The following FAM184A variants were observed in gnomAD, a reference collection of about 807,000 sequenced individuals.
The protein encoded by FAM184A is family with sequence similarity 184 member A, also known as protein FAM184A.
FAM184A carries 99 observed loss-of-function variants against 143.8 expected under a neutral mutation model. The ratio of observed to expected loss-of-function variants is 0.69; its 90% CI spans 0.58 to 0.81. FAM184A has a LOEUF of 0.81. FAM184A is among the 40% of genes least tolerant of loss of function. The probability of loss-of-function intolerance (pLI) is 0.00; values close to 1 mark genes in which losing one functional copy is unlikely to be tolerated. For synonymous variants in FAM184A, 427 were observed against 446.4 expected (o/e 0.96, Z 0.55); for missense variants, 1,217 against 1,310.5 (o/e 0.93, Z 1.10).
At chr6:119,101,219 A>C (rs1398553946) in intron 1 of FAM184A, among the ~76,000 whole-genome samples, 1 of 151,610 alleles carries the variant, frequency 6.6e-6, no homozygotes, top group Non-Finnish European at 1.5e-5. Flanking sequence ...GGCATGCACC[A>C]CCACGCCTGG....
intron 1 of FAM184A, among the ~76,000 whole-genome samples, chr6:119,063,004 T>C (rs1787315524): frequency 6.6e-6 from 1 of 152,220 alleles, no homozygotes; most frequent in African/African-American, 2.4e-5. Context: ...TTGTTAATTT[T>C]CTAAAAGACA....
intron 14 of FAM184A, among the ~76,000 whole-genome samples, chr6:118,970,008 A>ATATATATATATATATATATATATATATAT: frequency 5.2e-5 from 1 of 19,050 alleles, no homozygotes; most frequent in Non-Finnish European, 1.1e-4. Context: ...ATATATATAT[A>ATATATATATATATATATATATATATATAT]TTTTTTTTTT....
intron 1 of FAM184A, among the ~76,000 whole-genome samples, chr6:119,110,108 G>A (rs988125164): frequency 2.0e-5 from 3 of 152,130 alleles, no homozygotes; most frequent in Admixed American, 6.5e-5. Flanking sequence ...AACAGGAAGT[G>A]AGAAGTCCTG....
At chr6:119,010,525 GTGTC>G (rs1406783385) in intron 6 of FAM184A, among the ~76,000 whole-genome samples, 2 of 151,884 alleles carry the variant, frequency 1.3e-5, no homozygotes, top group Admixed American at 1.3e-4. Flanking sequence ...GATAATCTGG[GTGTC>G]TGTATTTTTC....
chr6:119,135,980 CAGAA>C (rs1294697946), intron 1 of FAM184A, among the ~76,000 whole-genome samples: 1 of 150,682 alleles, frequency 6.6e-6, no homozygotes, highest in African/African-American at 2.4e-5. Flanking sequence ...AAAAAAAAAG[CAGAA>C]AGAATATTTC....
At chr6:119,041,260 A>C (rs1268644691) in intron 1 of FAM184A, among the ~76,000 whole-genome samples, 3 of 152,164 alleles carry the variant, frequency 2.0e-5, no homozygotes, top group African/African-American at 7.2e-5. Context: ...GGTGGTCCCA[A>C]GCTAAAATTA....
rs1005108604 is a variant in FAM184A at position 119,011,238 on chromosome 6, T to C, written c.1653+71A>G. 15 of 1,347,416 alleles carry C rather than the reference T, an allele frequency of 1.1e-5. No homozygotes were observed. In the African/African-American group the frequency reaches 1.9e-4, roughly 17 times the overall value. The allele number at this position is 1,347,416 out of a possible 1,614,324, so 83.5% of individuals were successfully genotyped here. On this transcript the variant is annotated intron_variant, in intron 6 of 17. Coordinates refer to ENST00000338891, the MANE Select transcript of FAM184A (RefSeq NM_024581.6). ...ACCTTTACTGAGACTTACCTACCTA[T>C]ACAATGTCACCAGAATAAGTTATTA...
At chr6:119,037,787 T>C (rs947730237) in intron 1 of FAM184A, among the ~76,000 whole-genome samples, 1 of 152,156 alleles carries the variant, frequency 6.6e-6, no homozygotes, top group African/African-American at 2.4e-5. Flanking sequence ...AATTTTACTT[T>C]AGAAAATCAA....
intron 1 of FAM184A, among the ~76,000 whole-genome samples, chr6:119,135,995 C>T (rs554794958): frequency 1.3e-4 from 19 of 151,436 alleles, no homozygotes; most frequent in African/African-American, 4.3e-4. Flanking sequence ...AGAATATTTC[C>T]AGGCCGGGCG....
intron 9 of FAM184A, among the ~76,000 whole-genome samples, chr6:118,994,687 AAATAAAT>A (rs536847875): frequency 0.31 from 43,020 of 137,640 alleles, 7,858 homozygotes; most frequent in East Asian, 0.65. Flanking sequence ...CTCCATCTCT[AAATAAAT>A]AAATAAATAA....
rs749501684 is a variant in FAM184A, at chr6:119,016,773, T to C, written c.1504A>G (p.Ile502Val). The change falls in exon 5 of 18, where the codon ATT becomes GTT. Residue 502 changes from isoleucine (I) to valine (V), a missense_variant. Physicochemically the swap from Ile to Val is conservative, Grantham distance 29. Coordinates refer to ENST00000338891, the MANE Select transcript of FAM184A (RefSeq NM_024581.6). Reference protein sequence around the residue: ...MAIEAVHSNAIRDKKKLQMDL... With the variant: ...MAIEAVHSNAVRDKKKLQMDL... ...ATTTGCAGTTTTTTCTTATCCCTAA[T>C]TGCATTACTGTGGACAGCTTCAATT... is the stretch of plus-strand genomic sequence containing the variant. 2 of 1,614,062 alleles carry C rather than the reference T, an allele frequency of 1.2e-6. No homozygotes were observed. Among genetic ancestry groups the C allele is most frequent in the East Asian group, 2.2e-5 (1 of 44,870 alleles).
At chr6:119,091,146 G>A (rs77955915) in intron 1 of FAM184A, among the ~76,000 whole-genome samples, 3,016 of 152,254 alleles carry the variant, frequency 0.02, 82 homozygotes, top group African/African-American at 0.068. Flanking sequence ...CTAATGCTAC[G>A]TATTGATACA....
chr6:118,977,906 T>C (rs1193577611), intron 11 of FAM184A, among the ~76,000 whole-genome samples: 1 of 152,174 alleles, frequency 6.6e-6, no homozygotes, highest in African/African-American at 2.4e-5. Flanking sequence ...TATTTCAAAA[T>C]AAAAGTTTTT....
Position 119,078,545 on chromosome 6 carries a change from C to T in FAM184A, c.-246G>A, listed in dbSNP as rs1787965971. 2 of 314,922 alleles carry T rather than the reference C, an allele frequency of 6.4e-6. No homozygotes were observed. Among genetic ancestry groups the T allele is most frequent in the East Asian group, 5.1e-5 (1 of 19,690 alleles). The allele number at this position is 314,922 out of a possible 1,614,324, so 19.5% of individuals were successfully genotyped here. A position where few individuals can be genotyped will look rare whatever the true frequency, so the allele number is the denominator to read the frequency against. ...GGGGCAGATGCCCGGGGTTGGGCGG[C>T]GGCGGCCGGGGGCCGGGCCAGCTCT... is the stretch of plus-strand genomic sequence containing the variant. On this transcript the variant is annotated 5_prime_UTR_variant, in exon 1 of 18. Transcript: ENST00000338891. This position sits in a 1 kb window ranked among gnomAD's most constrained non-coding sequence, Gnocchi z 5.5.
intron 12 of FAM184A, among the ~76,000 whole-genome samples, chr6:118,975,604 A>T (rs1171387550): frequency 1.3e-5 from 2 of 152,214 alleles, no homozygotes; most frequent in Non-Finnish European, 2.9e-5. Context: ...CTAAAGAGAA[A>T]GTGCATCTAA....
intron 11 of FAM184A, among the ~76,000 whole-genome samples, chr6:118,977,055 A>AGAAAT (rs1783869080): frequency 6.6e-6 from 1 of 152,216 alleles, no homozygotes; most frequent in Non-Finnish European, 1.5e-5. Flanking sequence ...CTTATCCCAG[A>AGAAAT]GAAATGAAAC....
chr6:119,070,807 G>T (rs1266838762), intron 1 of FAM184A, among the ~76,000 whole-genome samples: 1 of 151,868 alleles, frequency 6.6e-6, no homozygotes, highest in African/African-American at 2.4e-5. Context: ...GAAACTTCCT[G>T]TGGTGAATAA....
chr6:118,984,093 T>C (rs1272875976), intron 9 of FAM184A, among the ~76,000 whole-genome samples: 2 of 145,438 alleles, frequency 1.4e-5, no homozygotes, highest in African/African-American at 2.5e-5. Flanking sequence ...GAGGTTGCAG[T>C]GAGCCGAGAT....
In FAM184A at chr6:119,023,018, T is replaced by A. The variant is rs371871663; in HGVS notation, c.1077A>T (p.Lys359Asn). Residue 359 changes from lysine to asparagine, a missense_variant, in exon 3 of 18, where the codon AAA (lysine) becomes AAT (asparagine). Coordinates refer to ENST00000338891, the MANE Select transcript of FAM184A (RefSeq NM_024581.6). Reference protein sequence around the residue: ...EGEMALLSKHKEVESELAAAR... With the variant: ...EGEMALLSKHNEVESELAAAR... ...CAGCTGCTAGCTCACTTTCCACTTC[T>A]TTGTGCTTGCTTAATAGGGCCATTT... 13 of 1,614,088 alleles carry A rather than the reference T, an allele frequency of 8.1e-6. No homozygotes were observed. In the African/African-American group the frequency reaches 1.6e-4, roughly 20 times the overall value.
Sources: gnomAD v4.1 joint callset for allele counts (sites outside exome capture counted in the v4.1 genomes callset) on GRCh38, gnomAD v4.1.1 for gene constraint, Gnocchi (gnomAD v3.1) non-coding constraint, MANE v1.5 for transcripts, NCBI Gene and HGNC (gene_info 2026-07-23, HGNC 2026-07-21) for gene names.